EED: variants seen among roughly 807,000 people sequenced by gnomAD.
The protein encoded by EED is embryonic ectoderm development.
A neutral mutation model predicts 61.0 loss-of-function variants in EED; 9 were observed. The observed-to-expected ratio is 0.15, with a 90% CI of 0.09 to 0.26. The LOEUF is 0.26. Ranked by LOEUF, EED falls within the 10% of genes least tolerant of loss-of-function variation. The pLI is 1.00. For synonymous variants in EED, 187 were observed against 174.4 expected (o/e 1.07, Z -0.57); for missense variants, 315 against 542.3 (o/e 0.58, Z 4.16).
chr11:86,267,034 C>G (rs527650748), intron 8 of EED, among the ~76,000 whole-genome samples: 26 of 152,246 alleles, frequency 1.7e-4, no homozygotes, highest in African/African-American at 6.3e-4. Flanking sequence ...TTTTACCTTT[C>G]TCCTTTAAAA....
At chr11:86,276,775 G>A (rs1294015386) in intron 9 of EED, 3 of 374,540 alleles carry the variant, frequency 8.0e-6, no homozygotes, top group Non-Finnish European at 1.4e-5. Flanking sequence ...TTGTATTATC[G>A]AATTCTGTTG....
At position 86,268,565 on chromosome 11, in the gene EED, T is replaced by C; in HGVS notation, c.966+4T>C. ...AGGCGATTTGATACTTTCTAAGGTA[T>C]GGTAACTGCAGTTAAGCTGTACTTC... On this transcript the variant is annotated splice_donor_region_variant and intron_variant, in intron 9 of 11. Coordinates refer to ENST00000263360, the MANE Select transcript of EED (RefSeq NM_003797.5). 2 of 1,595,836 alleles carry C rather than the reference T, an allele frequency of 1.3e-6. No homozygotes were observed. Among genetic ancestry groups the C allele is most frequent in the Non-Finnish European group, 1.7e-6 (2 of 1,165,984 alleles).
intron 6 of EED, among the ~76,000 whole-genome samples, chr11:86,258,758 A>G (rs1181582008): frequency 6.6e-6 from 1 of 151,086 alleles, no homozygotes. Context: ...GTTTCTCCAC[A>G]TGGGTCAGGC....
chr11:86,266,933 G>A (rs1945994970), intron 8 of EED, among the ~76,000 whole-genome samples: 1 of 152,146 alleles, frequency 6.6e-6, no homozygotes, highest in Non-Finnish European at 1.5e-5. Flanking sequence ...AAGCCAGATT[G>A]TTAATAGATT....
chr11:86,257,271 C>T (rs1183504053), intron 5 of EED, among the ~76,000 whole-genome samples: 1 of 150,558 alleles, frequency 6.6e-6, no homozygotes, highest in South Asian at 2.1e-4. Flanking sequence ...CTCCTGACCT[C>T]AAGCGATTCT....
At chr11:86,254,718 G>A (rs1354706109) in intron 3 of EED, among the ~76,000 whole-genome samples, 1 of 152,036 alleles carries the variant, frequency 6.6e-6, no homozygotes, top group East Asian at 1.9e-4. Context: ...CGCCTCCCGG[G>A]TTCAAGTGAT....
At chr11:86,286,755 G>A in the EED span, among the ~76,000 whole-genome samples, 1 of 151,878 alleles carries the variant, frequency 6.6e-6, no homozygotes, top group African/African-American at 2.4e-5. Flanking sequence ...GGCAGATCAC[G>A]AGGTCAGGAG....
chr11:86,276,946 A>G (rs752003091), intron 9 of EED, 34 bp from the exon 10 acceptor site: 30 of 1,454,312 alleles, frequency 2.1e-5, no homozygotes, highest in Non-Finnish European at 2.7e-5. Context: ...TTCCTCATTA[A>G]CATTTCTTTT....
intron 6 of EED, among the ~76,000 whole-genome samples, chr11:86,262,107 T>C (rs1945845657): frequency 6.6e-6 from 1 of 152,008 alleles, no homozygotes. Context: ...GTCTTGAACT[T>C]CTGGGCTCAA....
At chr11:86,263,983 A>G (rs1394975339) in intron 6 of EED, 189 bp from the exon 7 acceptor site, 1 of 547,022 alleles carries the variant, frequency 1.8e-6, no homozygotes, top group African/African-American at 1.9e-5. Flanking sequence ...GCCTATTCAA[A>G]CTATAGCACT....
intron 8 of EED, 75 bp from the exon 9 acceptor site, chr11:86,268,381 A>G (rs1442518872): frequency 2.0e-6 from 2 of 1,016,110 alleles, no homozygotes; most frequent in African/African-American, 3.3e-5. Context: ...AGTTTTATAA[A>G]TCCAAAAATG....
At chr11:86,254,916 C>T (rs922835985) in intron 3 of EED, among the ~76,000 whole-genome samples, 2 of 152,152 alleles carry the variant, frequency 1.3e-5, no homozygotes, top group Admixed American at 6.5e-5. Context: ...CCACCGTGCC[C>T]GGCCTAATAT....
chr11:86,276,807 A>G (rs1424668434), intron 9 of EED, 173 bp from the exon 10 acceptor site: 5 of 425,442 alleles, frequency 1.2e-5, no homozygotes, highest in Non-Finnish European at 2.0e-5. Context: ...TCTTGTCCTT[A>G]AGTATGGTCA....
chr11:86,281,772 C>T (rs997169225), downstream of EED, among the ~76,000 whole-genome samples: 8 of 152,162 alleles, frequency 5.3e-5, no homozygotes, highest in African/African-American at 1.9e-4. Context: ...CATTCCTGCC[C>T]CAGCTTCCCA....
chr11:86,253,672 A>G (rs145284701), intron 3 of EED, among the ~76,000 whole-genome samples: 1,816 of 152,292 alleles, frequency 0.012, 16 homozygotes, highest in Non-Finnish European at 0.017. Context: ...ATAGGTTGTG[A>G]TGATACACAG....
chr11:86,259,877 CAG>C, intron 6 of EED, among the ~76,000 whole-genome samples: 1 of 152,192 alleles, frequency 6.6e-6, no homozygotes, highest in East Asian at 1.9e-4. Context: ...AAGAAGAAAT[CAG>C]AGCCCTCTCA....
Position 86,245,158 on chromosome 11 carries a change from C to T in EED, c.-72C>T. 2.3e-6 allele frequency: 3 copies of T among 1,314,566 alleles called. No individual in the cohort carries two copies. The highest frequency in any genetic ancestry group is 1.2e-5 in the South Asian group (1 of 80,816). The allele number at this position is 1,314,566 out of a possible 1,614,324, so 81.4% of individuals were successfully genotyped here. On this transcript the variant is annotated 5_prime_UTR_variant, in exon 1 of 12. Transcript: ENST00000263360. ...CGGCAACTTTGCGGCAAGCTCGGGC[C>T]GGGCTTGCTTGACGGCGGTGTGGCG...
At chr11:86,275,133 C>A (rs890968916) in intron 9 of EED, among the ~76,000 whole-genome samples, 14 of 152,150 alleles carry the variant, frequency 9.2e-5, no homozygotes, top group Admixed American at 2.0e-4. Flanking sequence ...ACCCGGGAAA[C>A]TCAACGGTTA....
chr11:86,275,057 C>T (rs530202844), intron 9 of EED, among the ~76,000 whole-genome samples: 2 of 152,114 alleles, frequency 1.3e-5, no homozygotes, highest in Non-Finnish European at 2.9e-5. Flanking sequence ...GTTGTCTTCA[C>T]TCATTAGCAT....
Sources: gnomAD v4.1 joint callset for allele counts (sites outside exome capture counted in the v4.1 genomes callset) on GRCh38, gnomAD v4.1.1 for gene constraint, MANE v1.5 for transcripts, NCBI Gene and HGNC (gene_info 2026-07-23, HGNC 2026-07-21) for gene names.